CACNA1C: variants seen among roughly 807,000 people sequenced by gnomAD.
CACNA1C encodes the protein voltage-dependent L-type calcium channel subunit alpha-1C.
CACNA1C carries 30 observed loss-of-function variants against 229.0 expected under a neutral mutation model. The observed-to-expected ratio is 0.13, with a 90% CI of 0.10 to 0.18. The LOEUF is 0.18. Among genes scored for constraint, CACNA1C ranks in the 10% least tolerant of loss-of-function variants. The probability of loss-of-function intolerance (pLI) is 1.00; values close to 1 mark genes in which losing one functional copy is unlikely to be tolerated. For synonymous variants in CACNA1C, 1,114 were observed against 1,132.5 expected, an observed-to-expected ratio of 0.98 and a Z score of 0.33; for missense variants, 1,658 against 2,845.0, an observed-to-expected ratio of 0.58 and a Z score of 9.49.
intron 3 of CACNA1C, among the ~76,000 whole-genome samples, chr12:2,329,099 A>C (rs2238062): frequency 0.22 from 33,822 of 152,120 alleles, 5,985 homozygotes; most frequent in African/African-American, 0.5. Context: ...AGCACCCTGA[A>C]TAGCAATGTT....
At chr12:2,162,270 G>C (rs1304405803) in intron 3 of CACNA1C, among the ~76,000 whole-genome samples, 1 of 151,702 alleles carries the variant, frequency 6.6e-6, no homozygotes. Context: ...TCCCATTCGA[G>C]GCCTCCCTGT....
At chr12:2,084,203 C>A (rs1441766058) in intron 1 of CACNA1C, among the ~76,000 whole-genome samples, 1 of 152,120 alleles carries the variant, frequency 6.6e-6, no homozygotes, top group Non-Finnish European at 1.5e-5. Context: ...AACTCCCCAC[C>A]CAGGGCAGGC....
chr12:2,106,832 GC>G (rs1473900657), intron 1 of CACNA1C, among the ~76,000 whole-genome samples: 2 of 109,740 alleles, frequency 1.8e-5, no homozygotes, highest in Non-Finnish European at 4.0e-5. Context: ...CCTCAGCTGG[GC>G]GTCCTGAAGC....
intron 3 of CACNA1C, among the ~76,000 whole-genome samples, chr12:2,121,645 C>T (rs1596408024): frequency 6.6e-6 from 1 of 152,272 alleles, no homozygotes; most frequent in East Asian, 1.9e-4. Flanking sequence ...AGAGCATCGG[C>T]CGCCGTCCGT....
rs1181073842 is a variant in CACNA1C, at chr12:2,605,635, A to G, written c.3049-44A>G. ...GCTACCTCCTGGAAAGGCTCCTGGCATCTCCTGAAGCCACGTCCCTCTCCC... is the reference window on the plus strand; with the variant it reads ...GCTACCTCCTGGAAAGGCTCCTGGCGTCTCCTGAAGCCACGTCCCTCTCCC... On this transcript the variant is annotated intron_variant, in intron 23 of 46. Coordinates refer to ENST00000399655, the MANE Select transcript of CACNA1C (RefSeq NM_000719.7). This position sits in a 1 kb window ranked among gnomAD's most constrained non-coding sequence, Gnocchi z 6.2. 1 of 1,420,706 alleles carries G rather than the reference A, an allele frequency of 7.0e-7. No individual in the cohort carries two copies. The highest frequency in any genetic ancestry group is 1.0e-6 in the Non-Finnish European group (1 of 1,004,530). 88.0% of individuals were successfully genotyped at this position (1,420,706 alleles called of 1,614,324 possible).
chr12:2,157,657 A>G (rs2095621767), intron 3 of CACNA1C, among the ~76,000 whole-genome samples: 1 of 152,230 alleles, frequency 6.6e-6, no homozygotes, highest in African/African-American at 2.4e-5. Flanking sequence ...CTAGTGCATC[A>G]TAAGCCACAC....
At chr12:2,271,892 TAA>T (rs71441680) in intron 3 of CACNA1C, among the ~76,000 whole-genome samples, 2 of 151,356 alleles carry the variant, frequency 1.3e-5, no homozygotes, top group African/African-American at 4.9e-5. Context: ...TGAGACTGTC[TAA>T]AAAAAAATGT....
rs1375978693 is a variant in CACNA1C, at chr12:2,649,261, T to C, written c.3945+754T>C. On this transcript the variant is annotated intron_variant, in intron 31 of 46. Coordinates refer to ENST00000399655, the MANE Select transcript of CACNA1C (RefSeq NM_000719.7). The surrounding 1 kb of genome is among the most constrained non-coding windows in gnomAD (Gnocchi z 4.4). ...CATTCAGTGTGACCTTGAAGCCTCCTTGGCCCAGCCGCCTCCAAAAGGCTG... is the reference window on the plus strand; with the variant it reads ...CATTCAGTGTGACCTTGAAGCCTCCCTGGCCCAGCCGCCTCCAAAAGGCTG... Among the ~76,000 whole-genome samples the C allele has an allele frequency of 1.3e-5, 2 of 152,238 alleles. No homozygotes were observed. The highest frequency in any genetic ancestry group is 6.5e-5 in the Admixed American group (1 of 15,292).
chr12:2,107,262 A>AGT (rs2079404732), intron 1 of CACNA1C, among the ~76,000 whole-genome samples: 1 of 109,998 alleles, frequency 9.1e-6, no homozygotes, highest in Non-Finnish European at 1.8e-5. Flanking sequence ...CCCTGGAGAG[A>AGT]GTTTCCACCT....
At chr12:2,640,944 G>A (rs1422953170) in intron 30 of CACNA1C, among the ~76,000 whole-genome samples, 2 of 152,180 alleles carry the variant, frequency 1.3e-5, no homozygotes, top group Admixed American at 6.5e-5. Flanking sequence ...CCTCTCTCTC[G>A]GCCTGCAACC....
chr12:2,100,582 CAAAAAAAAAAAA>C (rs71441677), intron 1 of CACNA1C, among the ~76,000 whole-genome samples: 1 of 66,468 alleles, frequency 1.5e-5, no homozygotes, highest in African/African-American at 5.3e-5. Flanking sequence ...CTGTTTCTAC[CAAAAAAAAAAAA>C]AAAAAAAAAA....
At chr12:2,497,297 A>G (rs1013049060) in intron 7 of CACNA1C, among the ~76,000 whole-genome samples, 6 of 152,204 alleles carry the variant, frequency 3.9e-5, no homozygotes, top group African/African-American at 1.4e-4. Context: ...CCATCAATTA[A>G]ACATCTTTTC....
At chr12:2,684,649 C>A (rs1427724518) in intron 43 of CACNA1C, among the ~76,000 whole-genome samples, 1 of 152,096 alleles carries the variant, frequency 6.6e-6, no homozygotes, top group African/African-American at 2.4e-5. Context: ...GGTACAACCC[C>A]CAGGGGTACA....
At chr12:2,176,565 G>T (rs2238044) in intron 3 of CACNA1C, among the ~76,000 whole-genome samples, 67 of 150,208 alleles carry the variant, frequency 4.5e-4, no homozygotes, top group African/African-American at 1.4e-3. Context: ...GGGCCTATTG[G>T]GGGGGTTGGA....
intron 3 of CACNA1C, among the ~76,000 whole-genome samples, chr12:2,314,035 A>C (rs1438119423): frequency 6.6e-6 from 1 of 152,126 alleles, no homozygotes; most frequent in Admixed American, 6.5e-5. Flanking sequence ...CAGATGGCCC[A>C]GCCCTTTCCT....
At chr12:2,149,242 T>G (rs1025499520) in intron 3 of CACNA1C, among the ~76,000 whole-genome samples, 1 of 152,194 alleles carries the variant, frequency 6.6e-6, no homozygotes, top group Non-Finnish European at 1.5e-5. Context: ...CCTGTGGAAA[T>G]GCTCAGATGA....
At position 2,605,366 on chromosome 12, in the gene CACNA1C, GC is replaced by G. The variant is rs1454193720; in HGVS notation, c.3048+201del. Reference sequence around the variant, plus strand: ...ACAGAGGCAGCCATCCCAAGTGTCTGCCCTAAGCAGAATGTGCCAAAGGGAG... The same window carrying G: ...ACAGAGGCAGCCATCCCAAGTGTCTGCCTAAGCAGAATGTGCCAAAGGGAG... On this transcript the variant is annotated intron_variant, in intron 23 of 46. Transcript: ENST00000399655. This position sits in a 1 kb window ranked among gnomAD's most constrained non-coding sequence, Gnocchi z 6.2. Among the ~76,000 whole-genome samples the G allele has an allele frequency of 6.6e-6, 1 of 152,188 alleles. No homozygotes were observed. The highest frequency in any genetic ancestry group is 1.9e-4 in the East Asian group (1 of 5,186).
chr12:2,545,714 C>T (rs2099879786), intron 9 of CACNA1C, among the ~76,000 whole-genome samples: 2 of 152,192 alleles, frequency 1.3e-5, no homozygotes, highest in African/African-American at 4.8e-5. Flanking sequence ...TACCAAATGG[C>T]AAATTCCAAC....
Position 2,004,179 on chromosome 12 carries a change from G to A in CACNA1C, c.139+32978G>A, listed in dbSNP as rs761237703. On this transcript the variant is annotated intron_variant, in intron 1 of 46. Coordinates refer to the CACNA1C transcript ENST00000682462. ...CCCCAGATCCACCCACTTCCAGGGCGTCAACGTCTCCTCCCCCTCACCGGG... is the reference window on the plus strand; with the variant it reads ...CCCCAGATCCACCCACTTCCAGGGCATCAACGTCTCCTCCCCCTCACCGGG... 12 of 1,512,330 alleles carry A rather than the reference G, an allele frequency of 7.9e-6. No homozygotes were observed. The South Asian group carries it at 9.6e-5, about 12-fold the overall frequency. The allele number at this position is 1,512,330 out of a possible 1,614,324, so 93.7% of individuals were successfully genotyped here. A position where few individuals can be genotyped will look rare whatever the true frequency, so the allele number is the denominator to read the frequency against.
Sources: gnomAD v4.1 joint callset for allele counts (sites outside exome capture counted in the v4.1 genomes callset) on GRCh38, gnomAD v4.1.1 for gene constraint, Gnocchi (gnomAD v3.1) non-coding constraint, MANE v1.5 for transcripts, NCBI Gene and HGNC (gene_info 2026-07-23, HGNC 2026-07-21) for gene names.